Variants in CSPP1 observed in about 807,000 individuals in gnomAD.
CSPP1 encodes the protein centrosome and spindle pole-associated protein 1.
CSPP1 carries 126 observed loss-of-function variants against 164.4 expected under a neutral mutation model. That is an observed-to-expected ratio of 0.77 (90% CI 0.66 to 0.89). The LOEUF is 0.89. CSPP1 is among the 40% of genes least tolerant of loss of function. The pLI is 0.00. For synonymous variants in CSPP1, 472 were observed against 476.7 expected (o/e 0.99, Z 0.13); for missense variants, 1,395 against 1,449.8 (o/e 0.96, Z 0.61).
intron 27 of CSPP1, among the ~76,000 whole-genome samples, chr8:67,178,786 C>T (rs1832292561): frequency 6.6e-6 from 1 of 152,074 alleles, no homozygotes; most frequent in Non-Finnish European, 1.5e-5. Flanking sequence ...CAGTTGGGCA[C>T]ATGGGGCAGG....
chr8:67,194,493 G>A (rs1837323844), intron 30 of CSPP1, among the ~76,000 whole-genome samples: 1 of 152,048 alleles, frequency 6.6e-6, no homozygotes, highest in African/African-American at 2.4e-5. Context: ...CAGCTATAAG[G>A]CATTTTCTTT....
intron 9 of CSPP1, among the ~76,000 whole-genome samples, chr8:67,109,497 A>G (rs1299357719): frequency 6.6e-6 from 1 of 152,188 alleles, no homozygotes; most frequent in African/African-American, 2.4e-5. Flanking sequence ...ATATTTTTCC[A>G]TCCTTCCATA....
intron 21 of CSPP1, among the ~76,000 whole-genome samples, chr8:67,159,852 TTTTC>T (rs71249421): frequency 0.1 from 4,867 of 47,210 alleles, 446 homozygotes; most frequent in South Asian, 0.12. Flanking sequence ...CTTTCTTTCT[TTTTC>T]TTTCTTTCTT....
At chr8:67,094,119 GAAA>G (rs71249416) in intron 6 of CSPP1, among the ~76,000 whole-genome samples, 24 of 29,442 alleles carry the variant, frequency 8.2e-4, no homozygotes, top group African/African-American at 3.7e-3. Context: ...GACCTGGTCT[GAAA>G]AAAAAAAAAA....
rs1423020336 is a variant in CSPP1 at position 67,161,910 on chromosome 8, A to G, written c.2638A>G (p.Ile880Val). 3 of 1,590,376 alleles carry G rather than the reference A, an allele frequency of 1.9e-6. No individual in the cohort carries two copies. In the Admixed American group the frequency reaches 5.0e-5, roughly 27 times the overall value. ...AGTTGACAGCATCATACGTTCCTTTATTCATGTATGTACTTTTGTTTTTAT... is the reference window on the plus strand; with the variant it reads ...AGTTGACAGCATCATACGTTCCTTTGTTCATGTATGTACTTTTGTTTTTAT... ...PSVDSIIRSF[I>V]HESSMSRAQS... The change falls in exon 22 of 31, where the codon ATT becomes GTT. Residue 880 changes from isoleucine (I) to valine (V), a missense_variant. Coordinates refer to ENST00000678616, the MANE Select transcript of CSPP1 (RefSeq NM_001382391.1).
chr8:67,193,423 T>C (rs1361334323), intron 29 of CSPP1, 41 bp from the exon 30 acceptor site: 2 of 1,580,130 alleles, frequency 1.3e-6, no homozygotes, highest in South Asian at 2.2e-5. Context: ...TGAACATATT[T>C]TGTGTTAATG....
At chr8:67,101,997 T>C (rs1017788879) in intron 7 of CSPP1, among the ~76,000 whole-genome samples, 8 of 152,196 alleles carry the variant, frequency 5.3e-5, no homozygotes, top group African/African-American at 1.7e-4. Context: ...TTTTATGGTA[T>C]GAGAAATTAA....
chr8:67,135,634 ATCT>A (rs1329350094), intron 16 of CSPP1: 1 of 152,230 alleles, frequency 6.6e-6, no homozygotes, highest in East Asian at 1.9e-4. Flanking sequence ...GGCTGGTTTG[ATCT>A]TCTATTTAGA....
At chr8:67,171,011 C>T (rs1830356223) in intron 24 of CSPP1, among the ~76,000 whole-genome samples, 1 of 150,820 alleles carries the variant, frequency 6.6e-6, no homozygotes, top group Non-Finnish European at 1.5e-5. Flanking sequence ...TGGTCTTGAT[C>T]TCCTGACCTC....
At chr8:67,165,594 C>T (rs1296326443) in intron 24 of CSPP1, among the ~76,000 whole-genome samples, 1 of 152,156 alleles carries the variant, frequency 6.6e-6, no homozygotes. Flanking sequence ...TGGGCACTGG[C>T]CAGGTATCCT....
intron 17 of CSPP1, among the ~76,000 whole-genome samples, chr8:67,141,145 C>T (rs1044843515): frequency 1.3e-5 from 2 of 152,138 alleles, no homozygotes; most frequent in African/African-American, 4.8e-5. Context: ...AATCTTACCT[C>T]TAAGATTATT....
chr8:67,155,681 G>A (rs138395551), intron 19 of CSPP1, among the ~76,000 whole-genome samples: 12,582 of 152,062 alleles, frequency 0.083, 1,059 homozygotes, highest in African/African-American at 0.22. Flanking sequence ...CCAGCTACTC[G>A]GGAGGCTGAG....
At chr8:67,074,219 G>A (rs769096708) in intron 1 of CSPP1, 24 bp from the exon 2 acceptor site, 26 of 1,370,438 alleles carry the variant, frequency 1.9e-5, no homozygotes, top group Admixed American at 3.5e-5. Context: ...ATATAGATAC[G>A]CTCACTGAAA....
At chr8:67,182,156 C>T (rs554748762) in intron 28 of CSPP1, among the ~76,000 whole-genome samples, 1 of 152,158 alleles carries the variant, frequency 6.6e-6, no homozygotes, top group African/African-American at 2.4e-5. Flanking sequence ...GCACACACTA[C>T]CATGCCTGAA....
intron 9 of CSPP1, among the ~76,000 whole-genome samples, chr8:67,109,571 A>AT (rs1016103096): frequency 6.6e-6 from 1 of 152,160 alleles, no homozygotes; most frequent in African/African-American, 2.4e-5. Context: ...TTATACAGGG[A>AT]TTCAGCTGGG....
intron 21 of CSPP1, among the ~76,000 whole-genome samples, chr8:67,159,842 C>T (rs1316779331): frequency 7.8e-5 from 10 of 128,076 alleles, no homozygotes; most frequent in African/African-American, 3.6e-4. Flanking sequence ...TTCTTTCTTT[C>T]TTTCTTTCTT....
intron 28 of CSPP1, among the ~76,000 whole-genome samples, chr8:67,180,277 A>G (rs1232860623): frequency 2.0e-5 from 3 of 152,232 alleles, no homozygotes; most frequent in Non-Finnish European, 4.4e-5. Context: ...AAAAGGAACA[A>G]AGTTTTGAAA....
At chr8:67,112,228 AAG>A (rs1003691545) in intron 10 of CSPP1, among the ~76,000 whole-genome samples, 163 bp downstream of exon 10, 14 of 151,420 alleles carry the variant, frequency 9.2e-5, no homozygotes, top group South Asian at 2.1e-4. Context: ...AATAAATACT[AAG>A]AGAGTTTTTT....
intron 4 of CSPP1, chr8:67,086,810 C>T: frequency 7.4e-7 from 1 of 1,351,748 alleles, no homozygotes; most frequent in Non-Finnish European, 9.9e-7. Flanking sequence ...TGGTTTGTTT[C>T]CCTTGACTTT....
Sources: allele counts gnomAD v4.1 joint callset (sites outside exome capture counted in the v4.1 genomes callset), GRCh38; gene constraint gnomAD v4.1.1; transcripts MANE v1.5; gene names NCBI Gene and HGNC (gene_info 2026-07-23, HGNC 2026-07-21).